GABRP: variants seen among roughly 807,000 people sequenced by gnomAD.
GABRP encodes the protein gamma-aminobutyric acid receptor subunit pi.
GABRP carries 52 observed loss-of-function variants against 47.8 expected under a neutral mutation model. That is an observed-to-expected ratio of 1.09 (90% CI 0.87 to 1.37). The LOEUF (loss-of-function observed/expected upper bound fraction) is 1.37. Ranked by LOEUF, GABRP falls within the 40% of genes most tolerant of loss-of-function variation. GABRP has a pLI of 0.00. For synonymous variants in GABRP, 221 were observed against 205.8 expected (o/e 1.07, Z -0.63); for missense variants, 525 against 542.8 (o/e 0.97, Z 0.33).
At position 170,812,183 on chromosome 5, in the gene GABRP, CT is replaced by C; in HGVS notation, c.1249del (p.Tyr417IlefsTer8). ...TIQNPSNVDHYSKLLFPLIFM... is the reference protein window; with the variant it reads ...TIQNPSNVDHXSKLLFPLIFM... ...TTCAAAACCCCAGTAATGTTGATCA[CT>C]ATTCCAAACTACTGTTTCCTTTGAT... On this transcript the variant is annotated frameshift_variant, in exon 10 of 10. Transcript: ENST00000265294. LOFTEE classifies it high-confidence loss of function. 1 of 1,613,918 alleles carries C rather than the reference CT, an allele frequency of 6.2e-7. No homozygotes were observed. The highest frequency in any genetic ancestry group is 8.5e-7 in the Non-Finnish European group (1 of 1,179,834).
At chr5:170,792,101 A>G (rs1248402844) in intron 3 of GABRP, among the ~76,000 whole-genome samples, 2 of 152,224 alleles carry the variant, frequency 1.3e-5, no homozygotes, top group Admixed American at 6.5e-5. Flanking sequence ...TGGAGGGGAC[A>G]AACATTCAAA....
intron 3 of GABRP, among the ~76,000 whole-genome samples, chr5:170,790,208 T>C (rs1765230364): frequency 6.6e-6 from 1 of 152,194 alleles, no homozygotes; most frequent in Admixed American, 6.5e-5. Flanking sequence ...CAGCTCTTCA[T>C]AGCAGAAAAC....
At position 170,794,266 on chromosome 5, in the gene GABRP, G is replaced by C; in HGVS notation, c.208G>C (p.Ala70Pro). The C allele has an allele frequency of 6.2e-7, 1 of 1,610,374 alleles. No individual in the cohort carries two copies. Among genetic ancestry groups the C allele is most frequent in the Non-Finnish European group, 8.5e-7 (1 of 1,178,716 alleles). The change falls in exon 4 of 10, where the codon GCA (alanine) becomes CCA (proline). Residue 70 changes from alanine (A) to proline (P), a missense_variant. Physicochemically the swap from Ala to Pro is conservative, Grantham distance 27. Coordinates refer to ENST00000265294, the MANE Select transcript of GABRP (RefSeq NM_014211.3). ...PVQIALTLDI[A>P]SISSISESNM... Reference sequence around the variant, plus strand: ...ACAGATAGCGCTGACTCTGGACATTGCAAGTATCTCTAGCATTTCAGAGAG... The same window carrying C: ...ACAGATAGCGCTGACTCTGGACATTCCAAGTATCTCTAGCATTTCAGAGAG...
At chr5:170,787,397 C>T (rs1252086542) in intron 1 of GABRP, among the ~76,000 whole-genome samples, 2 of 152,244 alleles carry the variant, frequency 1.3e-5, no homozygotes, top group Non-Finnish European at 2.9e-5. Context: ...GCTGGCCTGC[C>T]TGGCTACCCC....
intron 3 of GABRP, among the ~76,000 whole-genome samples, chr5:170,791,891 A>G (rs1461067742): frequency 6.6e-6 from 1 of 152,232 alleles, no homozygotes; most frequent in Non-Finnish European, 1.5e-5. Flanking sequence ...GAGGAGTCCA[A>G]TATCAAGGTG....
chr5:170,795,462 G>A (rs763166016), intron 5 of GABRP, 37 bp downstream of exon 5: 3 of 1,537,430 alleles, frequency 2.0e-6, no homozygotes, highest in Non-Finnish European at 2.7e-6. Context: ...GTGGAGGACG[G>A]CAGCTGGGAG....
intron 1 of GABRP, among the ~76,000 whole-genome samples, chr5:170,787,373 A>G (rs1300564882): frequency 6.6e-6 from 1 of 152,202 alleles, no homozygotes; most frequent in Non-Finnish European, 1.5e-5. Context: ...TGTCACCAGC[A>G]TGACAGGTCA....
intron 7 of GABRP, among the ~76,000 whole-genome samples, chr5:170,808,068 C>A (rs1297586034): frequency 6.6e-6 from 1 of 152,198 alleles, no homozygotes; most frequent in Admixed American, 6.5e-5. Flanking sequence ...AGCTCTCTAA[C>A]ACATGCCTTT....
intron 6 of GABRP, among the ~76,000 whole-genome samples, chr5:170,799,337 A>G (rs954976502): frequency 6.6e-6 from 1 of 152,170 alleles, no homozygotes; most frequent in South Asian, 2.1e-4. Context: ...CTAGTTCTAG[A>G]TCCCTGAGGA....
intron 6 of GABRP, among the ~76,000 whole-genome samples, chr5:170,799,898 T>A (rs915476728): frequency 1.3e-5 from 2 of 152,172 alleles, no homozygotes; most frequent in African/African-American, 4.8e-5. Context: ...ATCAATATCG[T>A]GAAAATGGCC....
intron 6 of GABRP, among the ~76,000 whole-genome samples, chr5:170,798,728 G>A (rs915696024): frequency 5.3e-5 from 8 of 151,588 alleles, no homozygotes; most frequent in Non-Finnish European, 1.0e-4. Context: ...ATATGTCCAG[G>A]GCTACATTTT....
At position 170,805,771 on chromosome 5, in the gene GABRP, G is replaced by A; in HGVS notation, c.597G>A (p.Val199=). The A allele has an allele frequency of 1.9e-6, 3 of 1,614,234 alleles. No homozygotes were observed. Among genetic ancestry groups the A allele is most frequent in the Non-Finnish European group, 2.5e-6 (3 of 1,180,042 alleles). ...EFTWLRGNDS[V]RGLEHLRLAQ... ...CCTGGCTGAGAGGGAACGACTCTGT[G>A]CGTGGACTGGAACACCTGCGGCTTG... The change falls in exon 7 of 10, where the codon GTG becomes GTA. Residue 199 remains valine, a synonymous_variant. Transcript: ENST00000265294.
intron 6 of GABRP, among the ~76,000 whole-genome samples, chr5:170,803,252 G>A (rs950849602): frequency 1.4e-4 from 22 of 152,262 alleles, no homozygotes; most frequent in African/African-American, 5.3e-4. Flanking sequence ...ATACCATACT[G>A]TGAGACTTAA....
At chr5:170,786,455 G>T (rs867634661) in intron 1 of GABRP, among the ~76,000 whole-genome samples, 5 of 152,214 alleles carry the variant, frequency 3.3e-5, no homozygotes, top group Admixed American at 6.5e-5. Context: ...CACAGTAGAA[G>T]ATGTGTTCTA....
rs1765792454 is a variant in GABRP, at chr5:170,808,475, G to A, written c.680-125G>A. 5 of 793,950 alleles carry A rather than the reference G, an allele frequency of 6.3e-6. No homozygotes were observed. The African/African-American group carries it at 6.9e-5, about 11-fold the overall frequency. The allele number at this position is 793,950 out of a possible 1,614,324, so 49.2% of individuals were successfully genotyped here. ...GTCTCCTGTGGAAATCATAATGACA[G>A]TTCATACATAACCAGATTTAGATCA... On this transcript the variant is annotated intron_variant, in intron 7 of 9. Coordinates refer to ENST00000265294, the MANE Select transcript of GABRP (RefSeq NM_014211.3).
At position 170,805,758 on chromosome 5, in the gene GABRP, G is replaced by C; in HGVS notation, c.584G>C (p.Gly195Ala). 1 of 1,614,158 alleles carries C rather than the reference G, an allele frequency of 6.2e-7. No individual in the cohort carries two copies. The highest frequency in any genetic ancestry group is 8.5e-7 in the Non-Finnish European group (1 of 1,180,040). ...GATGTGGAGTTCACCTGGCTGAGAGGGAACGACTCTGTGCGTGGACTGGAA... is the reference window on the plus strand; with the variant it reads ...GATGTGGAGTTCACCTGGCTGAGAGCGAACGACTCTGTGCGTGGACTGGAA... ...GNDVEFTWLR[G>A]NDSVRGLEHL... The change falls in exon 7 of 10, where the codon GGG becomes GCG. Residue 195 changes from glycine to alanine, a missense_variant. Coordinates refer to ENST00000265294, the MANE Select transcript of GABRP (RefSeq NM_014211.3).
chr5:170,812,334 G>C lies in GABRP; in HGVS notation c.*76G>C. The C allele has an allele frequency of 8.7e-7, 1 of 1,148,262 alleles. No homozygotes were observed. Among genetic ancestry groups the C allele is most frequent in the Non-Finnish European group, 1.3e-6 (1 of 792,848 alleles). 71.1% of individuals were successfully genotyped at this position (1,148,262 alleles called of 1,614,324 possible). A position where few individuals can be genotyped will look rare whatever the true frequency, so the allele number is the denominator to read the frequency against. ...TGATGTAAATGGTATTTTAGGCCAA[G>C]TGTGCACCCACATCCAATGGTGCTA... is the stretch of plus-strand genomic sequence containing the variant. On this transcript the variant is annotated 3_prime_UTR_variant, in exon 10 of 10. Transcript: ENST00000265294.
chr5:170,807,022 C>T (rs187494480), intron 7 of GABRP, among the ~76,000 whole-genome samples: 1 of 152,152 alleles, frequency 6.6e-6, no homozygotes, highest in East Asian at 1.9e-4. Context: ...AATCTCAGCT[C>T]ACGGCAAAAT....
intron 6 of GABRP, among the ~76,000 whole-genome samples, chr5:170,804,518 C>T (rs1442691441): frequency 1.3e-5 from 2 of 152,070 alleles, no homozygotes; most frequent in African/African-American, 4.8e-5. Flanking sequence ...TGCTGGCCTT[C>T]GTTACTGTCT....
Sources: gnomAD v4.1 joint callset for allele counts (sites outside exome capture counted in the v4.1 genomes callset) on GRCh38, gnomAD v4.1.1 for gene constraint, MANE v1.5 for transcripts, NCBI Gene and HGNC (gene_info 2026-07-23, HGNC 2026-07-21) for gene names.